The following HUNK variants were observed in gnomAD, a reference collection of about 807,000 sequenced individuals.
The protein encoded by HUNK is hormonally up-regulated Neu-associated kinase.
HUNK carries 21 observed loss-of-function variants against 61.0 expected under a neutral mutation model. That is an observed-to-expected ratio of 0.34 (90% CI 0.24 to 0.50). The LOEUF (loss-of-function observed/expected upper bound fraction) is 0.50, where lower values mean the gene tolerates loss of function less well. Among genes scored for constraint, HUNK ranks in the 20% least tolerant of loss-of-function variants. HUNK has a pLI of 0.98. For missense variants in HUNK, 772 were observed against 945.7 expected (o/e 0.82, Z 2.41); for synonymous variants, 371 against 386.1 (o/e 0.96, Z 0.46).
intron 9 of HUNK, among the ~76,000 whole-genome samples, chr21:31,992,059 T>C (rs1440594288): frequency 6.6e-6 from 1 of 152,180 alleles, no homozygotes; most frequent in Non-Finnish European, 1.5e-5. Flanking sequence ...GAGCGAGGAA[T>C]GGACTCCAGA....
intron 7 of HUNK, among the ~76,000 whole-genome samples, chr21:31,979,907 T>G (rs553608774): frequency 2.6e-5 from 4 of 152,330 alleles, no homozygotes; most frequent in African/African-American, 7.2e-5. Flanking sequence ...TTTCCTTTGT[T>G]GTGCAGAGCT....
rs199996026 is a variant in HUNK, at chr21:31,974,600, C to G, written c.1056C>G (p.Thr352=). ...DLSPSVVLHM[T]EKLGYKNSDV... ...GCCCGAGCGTCGTGCTGCACATGAC[C>G]GAGAAGCTGGGTTACAAGAACAGCG... Residue 352 remains threonine (T), a synonymous_variant, in exon 7 of 11, where the codon ACC becomes ACG. Transcript: ENST00000270112. 2 of 1,613,662 alleles carry G rather than the reference C, an allele frequency of 1.2e-6. No homozygotes were observed. Among genetic ancestry groups the G allele is most frequent in the Non-Finnish European group, 8.5e-7 (1 of 1,179,908 alleles).
At chr21:31,932,390 CAG>C (rs1403542890) in intron 2 of HUNK, among the ~76,000 whole-genome samples, 1 of 152,134 alleles carries the variant, frequency 6.6e-6, no homozygotes, top group Non-Finnish European at 1.5e-5. Flanking sequence ...CGGCCAGTCT[CAG>C]AACTTTCCAA....
chr21:31,966,999 T>C (rs776805235), intron 5 of HUNK, among the ~76,000 whole-genome samples: 2 of 152,176 alleles, frequency 1.3e-5, no homozygotes, highest in Non-Finnish European at 2.9e-5. Flanking sequence ...TGCCATTCTT[T>C]GCCCACATGT....
intron 1 of HUNK, among the ~76,000 whole-genome samples, chr21:31,908,066 T>A (rs2052519460): frequency 6.6e-6 from 1 of 152,172 alleles, no homozygotes; most frequent in Non-Finnish European, 1.5e-5. Flanking sequence ...TTTTTTTAAA[T>A]GAACAAAAAC....
At chr21:31,938,917 T>C (rs952157565) in intron 2 of HUNK, among the ~76,000 whole-genome samples, 2 of 152,246 alleles carry the variant, frequency 1.3e-5, no homozygotes. Flanking sequence ...TAAATACTTC[T>C]GCTTCTGAAA....
intron 6 of HUNK, among the ~76,000 whole-genome samples, chr21:31,969,418 G>C (rs990522905): frequency 1.3e-5 from 2 of 152,136 alleles, no homozygotes; most frequent in African/African-American, 4.8e-5. Flanking sequence ...TTCCGTGAAG[G>C]CTTCACTTTA....
At chr21:31,952,948 C>T (rs967412008) in intron 4 of HUNK, among the ~76,000 whole-genome samples, 5 of 152,026 alleles carry the variant, frequency 3.3e-5, no homozygotes, top group South Asian at 2.1e-4. Context: ...ATGTCTGCCA[C>T]GGAGAATCCA....
chr21:31,995,745 A>C (rs1182954852), intron 9 of HUNK, 23 bp from the exon 10 acceptor site: 2 of 1,601,338 alleles, frequency 1.2e-6, no homozygotes, highest in Non-Finnish European at 8.5e-7. Flanking sequence ...GTCTAAGTGC[A>C]TATGTTTGCT....
At chr21:31,997,484 C>T (rs937390269) in intron 10 of HUNK, among the ~76,000 whole-genome samples, 4 of 152,138 alleles carry the variant, frequency 2.6e-5, no homozygotes, top group African/African-American at 7.2e-5. Flanking sequence ...TACGCCAGTC[C>T]CTAAAGGCGG....
intron 4 of HUNK, 143 bp from the exon 5 acceptor site, chr21:31,958,700 A>T: frequency 1.4e-6 from 1 of 716,894 alleles, no homozygotes; most frequent in Non-Finnish European, 2.2e-6. Flanking sequence ...GACACTGAGC[A>T]TTCTACAAAG....
At chr21:31,988,752 T>C (rs2053151574) in intron 8 of HUNK, among the ~76,000 whole-genome samples, 1 of 151,268 alleles carries the variant, frequency 6.6e-6, no homozygotes. Context: ...CTTCCCTTTT[T>C]CCTTCCCTCC....
intron 3 of HUNK, among the ~76,000 whole-genome samples, chr21:31,945,611 G>C (rs966199235): frequency 6.6e-6 from 1 of 152,180 alleles, no homozygotes; most frequent in African/African-American, 2.4e-5. Flanking sequence ...CAGCCAGAGA[G>C]AATCAATCTT....
intron 8 of HUNK, among the ~76,000 whole-genome samples, chr21:31,984,534 A>G (rs2053120045): frequency 2.0e-5 from 3 of 152,198 alleles, no homozygotes; most frequent in Admixed American, 6.5e-5. Context: ...TGGTGACCTG[A>G]TGTAACCTGG....
intron 1 of HUNK, among the ~76,000 whole-genome samples, chr21:31,876,946 C>G (rs2052267033): frequency 6.6e-6 from 1 of 152,148 alleles, no homozygotes; most frequent in Non-Finnish European, 1.5e-5. Flanking sequence ...CTGCACCTGG[C>G]CCATCCTTTT....
rs2053115040 is a variant in HUNK, at chr21:31,983,856, G to A, written c.1257+247G>A. ...GTTTAAACATCTGGATGCCCAGGCCGCACCTGGGACCCATTCCATTGAATC... is the reference window on the plus strand; with the variant it reads ...GTTTAAACATCTGGATGCCCAGGCCACACCTGGGACCCATTCCATTGAATC... On this transcript the variant is annotated intron_variant, in intron 8 of 10. Transcript: ENST00000270112. Among the ~76,000 whole-genome samples the A allele has an allele frequency of 2.6e-5, 4 of 152,130 alleles. No homozygotes were observed. The South Asian group carries it at 6.2e-4, about 24-fold the overall frequency.
intron 7 of HUNK, among the ~76,000 whole-genome samples, chr21:31,983,169 G>A (rs2053109696): frequency 6.6e-6 from 1 of 152,206 alleles, no homozygotes; most frequent in South Asian, 2.1e-4. Context: ...AATAAAATAA[G>A]TTATTCTTTC....
At chr21:31,942,870 C>CAA (rs1555878750) in intron 3 of HUNK, among the ~76,000 whole-genome samples, 3 of 151,792 alleles carry the variant, frequency 2.0e-5, no homozygotes, top group African/African-American at 7.3e-5. Flanking sequence ...ATACCTGCCC[C>CAA]GAGAGAGACC....
At chr21:31,918,639 A>G (rs1461161607) in intron 1 of HUNK, among the ~76,000 whole-genome samples, 1 of 152,184 alleles carries the variant, frequency 6.6e-6, no homozygotes, top group Non-Finnish European at 1.5e-5. Context: ...GCTTGTGGCC[A>G]TGTTATTCTC....
Sources: allele counts gnomAD v4.1 joint callset (sites outside exome capture counted in the v4.1 genomes callset), GRCh38; gene constraint gnomAD v4.1.1; transcripts MANE v1.5; gene names NCBI Gene and HGNC (gene_info 2026-07-23, HGNC 2026-07-21).